Variants in CDYL observed in about 807,000 individuals in gnomAD.
CDYL encodes the protein chromodomain Y like.
In CDYL, 8 loss-of-function variants were observed where a neutral mutation model predicts 47.3. The observed-to-expected ratio is 0.17, with a 90% confidence interval of 0.10 to 0.31. The LOEUF is 0.31. Ranked by LOEUF, CDYL falls within the 10% of genes least tolerant of loss-of-function variation. The pLI, the probability that CDYL is intolerant of heterozygous loss-of-function variation, is 1.00. For synonymous variants in CDYL, 266 were observed against 265.0 expected (o/e 1.00, Z -0.04); for missense variants, 471 against 701.4 (o/e 0.67, Z 3.71).
upstream of CDYL, among the ~76,000 whole-genome samples, chr6:4,772,061 C>T (rs1758345188): frequency 6.6e-6 from 1 of 152,156 alleles, no homozygotes; most frequent in African/African-American, 2.4e-5. Context: ...TGGTAGAACA[C>T]CATTAGCTAA....
chr6:4,912,203 G>A (rs991572210), intron 2 of CDYL, among the ~76,000 whole-genome samples: 2 of 149,998 alleles, frequency 1.3e-5, no homozygotes, highest in Admixed American at 1.3e-4. Context: ...GAAAAGATAC[G>A]TGGTCCTTTC....
intron 2 of CDYL, among the ~76,000 whole-genome samples, chr6:4,910,464 A>G (rs1457679129): frequency 6.6e-6 from 1 of 152,202 alleles, no homozygotes. Context: ...ACTGCATACT[A>G]TGTGCCATGT....
chr6:4,766,045 G>A (rs1299073341), intron 3 of CDYL, among the ~76,000 whole-genome samples: 2 of 152,036 alleles, frequency 1.3e-5, no homozygotes, highest in South Asian at 2.1e-4. Flanking sequence ...AGAACAAGGA[G>A]AGAAATGATA....
chr6:4,709,111 T>C (rs9504215), intron 1 of CDYL, among the ~76,000 whole-genome samples: 12,438 of 152,092 alleles, frequency 0.082, 1,694 homozygotes, highest in African/African-American at 0.28. Context: ...TAATCCACCT[T>C]CTCCACCAAC....
At chr6:4,760,372 CAAA>C (rs35627666) in intron 3 of CDYL, among the ~76,000 whole-genome samples, 4 of 103,540 alleles carry the variant, frequency 3.9e-5, no homozygotes, top group Non-Finnish European at 4.1e-5. Flanking sequence ...CACAGCAATA[CAAA>C]AAAAAAAAAA....
At chr6:4,860,024 C>T (rs1761118651) in intron 1 of CDYL, among the ~76,000 whole-genome samples, 1 of 151,814 alleles carries the variant, frequency 6.6e-6, no homozygotes, top group Non-Finnish European at 1.5e-5. Flanking sequence ...GCCTCAGTCT[C>T]CCAAGTAGCT....
intron 1 of CDYL, among the ~76,000 whole-genome samples, chr6:4,824,378 G>T (rs1045157067): frequency 6.9e-6 from 1 of 144,464 alleles, no homozygotes; most frequent in Non-Finnish European, 1.5e-5. Flanking sequence ...AGCAGCGCTC[G>T]GCTCGGCAGC....
At chr6:4,723,470 G>A (rs1322352157) in intron 2 of CDYL, among the ~76,000 whole-genome samples, 19 of 152,098 alleles carry the variant, frequency 1.2e-4, no homozygotes, top group Non-Finnish European at 1.3e-4. Context: ...AGAGGTGTGG[G>A]CATAGTTAGA....
At chr6:4,918,909 G>A (rs1757631596) in intron 2 of CDYL, among the ~76,000 whole-genome samples, 1 of 152,186 alleles carries the variant, frequency 6.6e-6, no homozygotes, top group South Asian at 2.1e-4. Flanking sequence ...GAGGAGCTCA[G>A]CACAACTCAA....
chr6:4,801,808 G>T (rs1407465580), intron 1 of CDYL, among the ~76,000 whole-genome samples: 2 of 152,130 alleles, frequency 1.3e-5, no homozygotes, highest in Non-Finnish European at 2.9e-5. Flanking sequence ...GCATAGTTGG[G>T]AAAGAGCATC....
chr6:4,739,178 ATAAT>A (rs1182144270), intron 3 of CDYL, among the ~76,000 whole-genome samples: 1 of 150,718 alleles, frequency 6.6e-6, no homozygotes, highest in African/African-American at 2.4e-5. Context: ...AAATAAATAA[ATAAT>A]TAAATAATAA....
intron 1 of CDYL, among the ~76,000 whole-genome samples, chr6:4,848,925 C>T (rs1304543643): frequency 1.3e-5 from 2 of 152,188 alleles, no homozygotes; most frequent in Non-Finnish European, 2.9e-5. Context: ...ATCTTGTTTA[C>T]TTTGTTAATA....
chr6:4,856,140 AG>A (rs2127466085), intron 1 of CDYL, among the ~76,000 whole-genome samples: 1 of 152,386 alleles, frequency 6.6e-6, no homozygotes, highest in East Asian at 1.9e-4. Flanking sequence ...AGGGTATAGC[AG>A]TGAACAAAAC....
intron 1 of CDYL, among the ~76,000 whole-genome samples, chr6:4,881,966 G>T (rs1168044844): frequency 6.6e-6 from 1 of 152,168 alleles, no homozygotes; most frequent in Non-Finnish European, 1.5e-5. Context: ...CATTTCTCCT[G>T]CCAGAGGCTG....
intron 3 of CDYL, among the ~76,000 whole-genome samples, chr6:4,764,904 A>G (rs560128885): frequency 6.6e-6 from 1 of 152,378 alleles, no homozygotes; most frequent in East Asian, 1.9e-4. Flanking sequence ...CAACTAAAAA[A>G]TACATAGTCT....
chr6:4,797,384 GT>G (rs1367871693), intron 1 of CDYL, among the ~76,000 whole-genome samples: 1 of 147,532 alleles, frequency 6.8e-6, no homozygotes. Context: ...TACGTGGGCT[GT>G]TTTTTCTTCC....
At chr6:4,858,201 AT>A (rs1243712968) in intron 1 of CDYL, among the ~76,000 whole-genome samples, 2 of 152,076 alleles carry the variant, frequency 1.3e-5, no homozygotes, top group East Asian at 1.9e-4. Flanking sequence ...CTTTAAAAAG[AT>A]TTTTTTGGTT....
At chr6:4,781,228 C>CT (rs1561847403) in intron 1 of CDYL, among the ~76,000 whole-genome samples, 2 of 152,102 alleles carry the variant, frequency 1.3e-5, no homozygotes, top group African/African-American at 4.8e-5. Flanking sequence ...ATCTTTCTTC[C>CT]TACTTTGCGA....
chr6:4,820,623 C>T (rs1255298029), intron 1 of CDYL, among the ~76,000 whole-genome samples: 1 of 152,110 alleles, frequency 6.6e-6, no homozygotes, highest in Non-Finnish European at 1.5e-5. Context: ...TTCTCCCCCA[C>T]CAGATTGTAT....
Sources: allele counts gnomAD v4.1 joint callset (sites outside exome capture counted in the v4.1 genomes callset), GRCh38; gene constraint gnomAD v4.1.1; transcripts MANE v1.5; gene names NCBI Gene and HGNC (gene_info 2026-07-23, HGNC 2026-07-21).